Variants in CT47C1 observed in about 807,000 individuals in gnomAD.
CT47C1 encodes cancer/testis antigen family 47 member A11 pseudogene.
the CT47C1 span, chrX:119,073,591 A>G: frequency 1.9e-6 from 1 of 537,018 alleles, no homozygotes; most frequent in Non-Finnish European, 3.4e-6. Flanking sequence ...ACCCCATAAG[A>G]GGCTTTCGCA....
At chrX:119,073,751 G>C in the CT47C1 span, 1 of 796,736 alleles carries the variant, frequency 1.3e-6, no homozygotes, top group Non-Finnish European at 1.8e-6. Context: ...GCTGGTGCAT[G>C]AGAGGCTGGG....
At chrX:119,073,195 C>T in the CT47C1 span, 13 of 468,856 alleles carry the variant, frequency 2.8e-5, no homozygotes, top group African/African-American at 1.4e-4. Flanking sequence ...TCAGCCTAGT[C>T]GCCACTCCAG....
At chrX:119,075,700 A>G in the CT47C1 span, among the ~76,000 whole-genome samples, 1 of 109,185 alleles carries the variant, frequency 9.2e-6, no homozygotes, top group African/African-American at 3.4e-5. Flanking sequence ...GTCTTTGAGT[A>G]TATTTAAATG....
the CT47C1 span, chrX:119,076,444 G>C: frequency 9.0e-6 from 1 of 111,676 alleles, no homozygotes; most frequent in Non-Finnish European, 1.9e-5. Context: ...TCTTTGTTTT[G>C]GCCCACCATA....
chrX:119,075,731 C>CTTTTTTTTTTTTTTT, the CT47C1 span, among the ~76,000 whole-genome samples: 3 of 87,152 alleles, frequency 3.4e-5, no homozygotes, highest in Non-Finnish European at 4.7e-5. Flanking sequence ...TTTCTTTTTT[C>CTTTTTTTTTTTTTTT]TTTTTTTTTT....
At chrX:119,074,019 C>T in the CT47C1 span, 2 of 601,425 alleles carry the variant, frequency 3.3e-6, no homozygotes, top group African/African-American at 2.2e-5. Flanking sequence ...AAAGAGGAAC[C>T]GGCTGCAGAG....
chrX:119,074,361 G>A, the CT47C1 span, among the ~76,000 whole-genome samples: 1 of 111,825 alleles, frequency 8.9e-6, no homozygotes, highest in Non-Finnish European at 1.9e-5. Context: ...ATGCCATTTG[G>A]GGGGCCCACA....
chrX:119,075,333 T>C, the CT47C1 span, among the ~76,000 whole-genome samples: 1 of 112,657 alleles, frequency 8.9e-6, no homozygotes, highest in Admixed American at 9.4e-5. Context: ...CATTTGTTCA[T>C]GTTGAGGTCT....
At chrX:119,075,001 C>T in the CT47C1 span, 5 of 1,073,401 alleles carry the variant, frequency 4.7e-6, no homozygotes, top group East Asian at 1.5e-4. Context: ...TGAAGAGGCC[C>T]AAGATGCTGC....
At chrX:119,075,245 A>T in the CT47C1 span, 1 of 887,207 alleles carries the variant, frequency 1.1e-6, no homozygotes, top group East Asian at 3.3e-5. Context: ...AATTTAGCTT[A>T]CTTAAAATGT....
chrX:119,073,413 C>T, the CT47C1 span: 1 of 524,693 alleles, frequency 1.9e-6, no homozygotes. Context: ...GAGCAGGCGG[C>T]AGGCTTGGCC....
the CT47C1 span, among the ~76,000 whole-genome samples, chrX:119,076,029 T>C: frequency 8.9e-6 from 1 of 112,696 alleles, no homozygotes; most frequent in Non-Finnish European, 1.9e-5. Flanking sequence ...GAAAAGGTGT[T>C]CTTCTCTACT....
chrX:119,076,143 T>A, the CT47C1 span: 5 of 113,036 alleles, frequency 4.4e-5, no homozygotes, highest in African/African-American at 1.6e-4. Context: ...TGTTTATTTT[T>A]TTCTCATTTC....
the CT47C1 span, among the ~76,000 whole-genome samples, chrX:119,074,307 C>T: frequency 9.9e-5 from 11 of 111,513 alleles, no homozygotes; most frequent in African/African-American, 2.9e-4. Context: ...GAAAACATGC[C>T]GCCCTCTACC....
At chrX:119,075,274 C>T in the CT47C1 span, among the ~76,000 whole-genome samples, 4 of 112,379 alleles carry the variant, frequency 3.6e-5, no homozygotes, top group East Asian at 5.5e-4. Flanking sequence ...TATTCATGTA[C>T]GTAGTAATAT....
At chrX:119,076,716 A>G in the CT47C1 span, among the ~76,000 whole-genome samples, 11 of 112,599 alleles carry the variant, frequency 9.8e-5, no homozygotes, top group African/African-American at 3.5e-4. Flanking sequence ...TGATTTTCAT[A>G]CTGATTACAT....
chrX:119,073,814 G>A, the CT47C1 span: 5 of 874,347 alleles, frequency 5.7e-6, no homozygotes, highest in African/African-American at 2.0e-5. Flanking sequence ...CCAGGAGGCC[G>A]CGTTGGTCCC....
At chrX:119,075,089 A>T in the CT47C1 span, 1 of 1,086,199 alleles carries the variant, frequency 9.2e-7, no homozygotes. Context: ...TAGACGCAGC[A>T]GAGGGGAAGC....
the CT47C1 span, among the ~76,000 whole-genome samples, chrX:119,075,425 A>G: frequency 1.2e-4 from 14 of 112,092 alleles, no homozygotes; most frequent in East Asian, 3.9e-3. Flanking sequence ...TGTAGAAAAC[A>G]GTTGCCAGAC....
Sources: gnomAD v4.1 joint callset for allele counts (sites outside exome capture counted in the v4.1 genomes callset) on GRCh38, gnomAD v4.1.1 for gene constraint, MANE v1.5 for transcripts, NCBI Gene and HGNC (gene_info 2026-07-23, HGNC 2026-07-21) for gene names.